DPH7: variants seen among roughly 807,000 people sequenced by gnomAD.
The protein encoded by DPH7 is diphthamide biosynthesis 7.
A neutral mutation model predicts 41.7 loss-of-function variants in DPH7; 44 were observed. The observed-to-expected ratio is 1.05, with a 90% CI of 0.83 to 1.36. The LOEUF is 1.36. Ranked by LOEUF, DPH7 falls within the 40% of genes most tolerant of loss-of-function variation. DPH7 has a pLI of 0.00. For missense variants in DPH7, 629 were observed against 577.5 expected (o/e 1.09, Z -0.91); for synonymous variants, 275 against 238.0 (o/e 1.16, Z -1.43).
Position 137,565,132 on chromosome 9 carries a change from C to G in DPH7, c.663G>C (p.Arg221Ser). ...VYSGGDDGLL[R>S]GWDTRVPGKF... ...TGCCGGGTACCCTGGTGTCCCAGCC[C>G]CTCAGAAGGCCATCGTCGCCCCCTG... Residue 221 changes from arginine (R) to serine (S), a missense_variant, in exon 6 of 9, where the codon AGG becomes AGC. Physicochemically the swap from Arg to Ser is moderately radical, Grantham distance 110 (BLOSUM62 -1). Transcript: ENST00000277540. The G allele has an allele frequency of 2.5e-6, 4 of 1,614,048 alleles. No homozygotes were observed. Among genetic ancestry groups the G allele is most frequent in the Non-Finnish European group, 3.4e-6 (4 of 1,180,024 alleles).
chr9:137,564,358 G>C, intron 8 of DPH7, 76 bp downstream of exon 8: 2 of 1,520,842 alleles, frequency 1.3e-6, no homozygotes, highest in Non-Finnish European at 8.9e-7. Flanking sequence ...GGAGCTGAGG[G>C]AAGAGCCCAG....
At chr9:137,578,537 C>G (rs1841847740) in intron 1 of DPH7, 88 bp downstream of exon 1, 1 of 1,344,384 alleles carries the variant, frequency 7.4e-7, no homozygotes, top group Non-Finnish European at 9.6e-7. Context: ...AATATCCCCT[C>G]TTCATCTCCT....
chr9:137,560,357 A>T lies in DPH7; in HGVS notation c.949+4077T>A, dbSNP rs200498064. The stretch of plus-strand genomic sequence containing the variant: ...ATTGCGAGCTGAGACTTAGGAAAAA[A>T]CAGGTGGGGCAAGGACAGAAAAATA... On this transcript the variant is annotated intron_variant, in intron 8 of 8. Coordinates refer to ENST00000277540, the MANE Select transcript of DPH7 (RefSeq NM_138778.5). Among the ~76,000 whole-genome samples, 29 of 152,292 alleles carry T rather than the reference A, an allele frequency of 1.9e-4. No homozygotes were observed. The East Asian group carries it at 4.6e-3, about 24-fold the overall frequency.
At chr9:137,578,046 G>A (rs1841738430) in intron 1 of DPH7, 1 of 973,110 alleles carries the variant, frequency 1.0e-6, no homozygotes, top group African/African-American at 1.8e-5. Context: ...GGCCGGGGGC[G>A]GTGGCTCGTG....
intron 5 of DPH7, among the ~76,000 whole-genome samples, chr9:137,572,423 G>C (rs1840599006): frequency 6.6e-6 from 1 of 152,186 alleles, no homozygotes; most frequent in Non-Finnish European, 1.5e-5. Context: ...TTCTAACAAT[G>C]AGTGAGATGC....
At position 137,556,586 on chromosome 9, in the gene DPH7, G is replaced by T. The variant is rs1837539224; in HGVS notation, c.950-938C>A. On this transcript the variant is annotated intron_variant, in intron 8 of 8. Coordinates refer to ENST00000277540, the MANE Select transcript of DPH7 (RefSeq NM_138778.5). The surrounding 1 kb of genome is among the most constrained non-coding windows in gnomAD (Gnocchi z 5.2). ...GGGGAGGCCCAACCCTGGGCCCAGGGCTTCAACTGGGCAGAGGTGGCTCCG... is the reference window on the plus strand; with the variant it reads ...GGGGAGGCCCAACCCTGGGCCCAGGTCTTCAACTGGGCAGAGGTGGCTCCG... 5 of 333,424 alleles carry T rather than the reference G, an allele frequency of 1.5e-5. No individual in the cohort carries two copies. 20.7% of individuals were successfully genotyped at this position (333,424 alleles called of 1,614,324 possible).
Position 137,577,193 on chromosome 9 carries a change from A to T in DPH7, c.287+277T>A, listed in dbSNP as rs557465755. ...CCACACACCACTGCATTTAAATCTC[A>T]GCTCCAAAAGTGGGCTAGAGCCTAC... On this transcript the variant is annotated intron_variant, in intron 2 of 8. Coordinates refer to ENST00000277540, the MANE Select transcript of DPH7 (RefSeq NM_138778.5). 2.6e-5 allele frequency among the ~76,000 whole-genome samples: 4 copies of T among 152,330 alleles called. No homozygotes were observed. The East Asian group carries it at 7.7e-4, about 29-fold the overall frequency.
At chr9:137,569,927 TC>T (rs746267243) in intron 5 of DPH7, among the ~76,000 whole-genome samples, 86 of 98,582 alleles carry the variant, frequency 8.7e-4, no homozygotes, top group Non-Finnish European at 1.4e-3. Flanking sequence ...TCACCCACTA[TC>T]TATCCAAACT....
At chr9:137,571,287 A>G (rs1370090315) in intron 5 of DPH7, among the ~76,000 whole-genome samples, 2 of 151,912 alleles carry the variant, frequency 1.3e-5, no homozygotes, top group Non-Finnish European at 2.9e-5. Flanking sequence ...CCCGGGTTCA[A>G]GCAATTCCAC....
At position 137,564,838 on chromosome 9, in the gene DPH7, C is replaced by A. The variant is rs1176631312; in HGVS notation, c.776+55G>T. 4 of 1,550,662 alleles carry A rather than the reference C, an allele frequency of 2.6e-6. No individual in the cohort carries two copies. In the East Asian group the frequency reaches 7.2e-5, roughly 28 times the overall value. Reference sequence around the variant, plus strand: ...AAAGAGGGAAGAAGGGCCCAGGAGCCCCCCGGGGACAGCGAAAGAGACGAG... The same window carrying A: ...AAAGAGGGAAGAAGGGCCCAGGAGCACCCCGGGGACAGCGAAAGAGACGAG... On this transcript the variant is annotated intron_variant, in intron 7 of 8. Transcript: ENST00000277540.
intron 5 of DPH7, among the ~76,000 whole-genome samples, chr9:137,573,872 C>A (rs144704891): frequency 1.0e-3 from 159 of 151,998 alleles, no homozygotes; most frequent in African/African-American, 3.7e-3. Context: ...TAGAGACCAG[C>A]CTGACCAACA....
rs1841006500 is a variant in DPH7 at position 137,574,325 on chromosome 9, G to C, written c.523C>G (p.Leu175Val). The change falls in exon 5 of 9, where the codon CTC (leucine) becomes GTC (valine). Residue 175 changes from leucine (L) to valine (V), a missense_variant. By Grantham distance (32) the Leu-to-Val change is conservative (BLOSUM62 1). Coordinates refer to ENST00000277540, the MANE Select transcript of DPH7 (RefSeq NM_138778.5). Reference protein sequence around the residue: ...ISSDSTGQLHLLMVNETRPRL... With the variant: ...ISSDSTGQLHVLMVNETRPRL... ...GGCCTCGTCTCATTCACCATCAGGA[G>C]GTGGAGCTGCCCTGTGGAGTCACTG... The C allele has an allele frequency of 2.5e-6, 4 of 1,614,202 alleles. No homozygotes were observed. The highest frequency in any genetic ancestry group is 3.4e-6 in the Non-Finnish European group (4 of 1,180,036).
rs958387863 is a variant in DPH7 at position 137,554,648 on chromosome 9, C to T, written c.*591G>A. The stretch of plus-strand genomic sequence containing the variant: ...AGAGACTGGGTTTTGCTATGTTGCC[C>T]AGGCTGGTCTTGAACTCCAGGCCTC... On this transcript the variant is annotated 3_prime_UTR_variant, in exon 9 of 9. Transcript: ENST00000277540. 2.0e-5 allele frequency among the ~76,000 whole-genome samples: 3 copies of T among 151,942 alleles called. No homozygotes were observed. Among genetic ancestry groups the T allele is most frequent in the Non-Finnish European group, 4.4e-5 (3 of 68,000 alleles).
intron 3 of DPH7, 51 bp downstream of exon 3, chr9:137,576,029 C>G (rs1841320277): frequency 6.2e-7 from 1 of 1,610,248 alleles, no homozygotes; most frequent in African/African-American, 1.3e-5. Context: ...CCTCCCCAAC[C>G]CTCTCTATTC....
intron 8 of DPH7, among the ~76,000 whole-genome samples, chr9:137,563,969 T>A (rs561158498): frequency 1.3e-5 from 2 of 151,820 alleles, no homozygotes; most frequent in South Asian, 4.2e-4. Flanking sequence ...GAATCAGAGG[T>A]GCTTGTTCCC....
intron 5 of DPH7, among the ~76,000 whole-genome samples, chr9:137,572,275 T>C (rs775359946): frequency 9.2e-5 from 14 of 152,228 alleles, no homozygotes; most frequent in Non-Finnish European, 1.8e-4. Context: ...GAATGTGGAC[T>C]ATTTCAGGAA....
In DPH7 at chr9:137,574,858, G is replaced by GA; in HGVS notation, c.376-16dup. 1 of 1,613,122 alleles carries GA rather than the reference G, an allele frequency of 6.2e-7. No individual in the cohort carries two copies. The highest frequency in any genetic ancestry group is 1.1e-5 in the South Asian group (1 of 90,902). On this transcript the variant is annotated splice_polypyrimidine_tract_variant and intron_variant, in intron 3 of 8. Coordinates refer to ENST00000277540, the MANE Select transcript of DPH7 (RefSeq NM_138778.5). Reference sequence around the variant, plus strand: ...ACGTGGCTCTTCTACTGGAGAAGAAGAAACTCCATCAAAGGGAAGTAGCCG... The same window carrying GA: ...ACGTGGCTCTTCTACTGGAGAAGAAGAAAACTCCATCAAAGGGAAGTAGCCG...
At chr9:137,570,678 C>A (rs1051589812) in intron 5 of DPH7, among the ~76,000 whole-genome samples, 29 of 152,204 alleles carry the variant, frequency 1.9e-4, no homozygotes, top group Non-Finnish European at 1.6e-4. Context: ...TGTGCCCTGG[C>A]CCATTACCTC....
intron 2 of DPH7, among the ~76,000 whole-genome samples, chr9:137,576,844 C>T (rs927111321): frequency 6.6e-6 from 1 of 151,480 alleles, no homozygotes; most frequent in Non-Finnish European, 1.5e-5. Flanking sequence ...GAGCCGAGAC[C>T]GCGCCACTGC....
Sources: gnomAD v4.1 joint callset for allele counts (sites outside exome capture counted in the v4.1 genomes callset) on GRCh38, gnomAD v4.1.1 for gene constraint, Gnocchi (gnomAD v3.1) non-coding constraint, MANE v1.5 for transcripts, NCBI Gene and HGNC (gene_info 2026-07-23, HGNC 2026-07-21) for gene names.